The following ARHGAP15 variants were observed in gnomAD, a reference collection of about 807,000 sequenced individuals.
The protein encoded by ARHGAP15 is Rho GTPase activating protein 15.
A neutral mutation model predicts 63.7 loss-of-function variants in ARHGAP15; 51 were observed. That is an observed-to-expected ratio of 0.80 (90% confidence interval 0.64 to 1.01). The LOEUF (loss-of-function observed/expected upper bound fraction) is 1.01, where lower values mean the gene tolerates loss of function less well. Ranked by LOEUF, ARHGAP15 falls within the 50% of genes least tolerant of loss-of-function variation. The pLI is 0.00. For synonymous variants in ARHGAP15, 191 were observed against 193.8 expected (o/e 0.99, Z 0.12); for missense variants, 560 against 564.6 (o/e 0.99, Z 0.08).
At chr2:143,328,348 C>T (rs1679136803) in intron 6 of ARHGAP15, among the ~76,000 whole-genome samples, 1 of 152,160 alleles carries the variant, frequency 6.6e-6, no homozygotes, top group African/African-American at 2.4e-5. Flanking sequence ...CCCAAATGTC[C>T]ATTAATGATA....
At chr2:143,258,589 A>G (rs1680544308) in intron 6 of ARHGAP15, among the ~76,000 whole-genome samples, 1 of 152,136 alleles carries the variant, frequency 6.6e-6, no homozygotes, top group Admixed American at 6.6e-5. Context: ...GATTCTTGGT[A>G]TTTGAAGAGG....
chr2:143,357,716 A>G (rs913976559), intron 6 of ARHGAP15, among the ~76,000 whole-genome samples: 1 of 152,220 alleles, frequency 6.6e-6, no homozygotes, highest in African/African-American at 2.4e-5. Flanking sequence ...TTAATAATAG[A>G]TTAATACATG....
At chr2:143,573,279 T>TTC (rs1696534952) in intron 11 of ARHGAP15, among the ~76,000 whole-genome samples, 1 of 152,176 alleles carries the variant, frequency 6.6e-6, no homozygotes, top group South Asian at 2.1e-4. Context: ...GGCTTAAAGT[T>TTC]TCAAGGACTT....
At chr2:143,410,658 C>T (rs748807605) in intron 6 of ARHGAP15, among the ~76,000 whole-genome samples, 6 of 151,180 alleles carry the variant, frequency 4.0e-5, no homozygotes, top group Non-Finnish European at 8.8e-5. Flanking sequence ...TTTAATGAGA[C>T]TGGAAATGGG....
intron 2 of ARHGAP15, among the ~76,000 whole-genome samples, chr2:143,195,020 C>T (rs181151582): frequency 1.4e-3 from 207 of 152,142 alleles, no homozygotes; most frequent in African/African-American, 4.9e-3. Flanking sequence ...GGCTGGTGGG[C>T]ACTGCAGGTG....
chr2:143,494,746 G>T (rs1029478054), intron 9 of ARHGAP15, among the ~76,000 whole-genome samples: 2 of 152,126 alleles, frequency 1.3e-5, no homozygotes, highest in African/African-American at 4.8e-5. Context: ...GAAAACATGG[G>T]TAGACCTGGC....
intron 12 of ARHGAP15, among the ~76,000 whole-genome samples, chr2:143,659,326 C>G (rs1248427366): frequency 1.3e-5 from 2 of 152,110 alleles, no homozygotes; most frequent in Non-Finnish European, 2.9e-5. Context: ...AATTACTTTA[C>G]TTGTGGTAAC....
In ARHGAP15 at chr2:143,187,703, C is replaced by T. The variant is rs1691504544; in HGVS notation, c.166-14431C>T. 2.6e-5 allele frequency among the ~76,000 whole-genome samples: 4 copies of T among 152,262 alleles called. No individual in the cohort carries two copies. The South Asian group carries it at 6.2e-4, about 24-fold the overall frequency. On this transcript the variant is annotated intron_variant, in intron 2 of 13. Coordinates refer to ENST00000295095, the MANE Select transcript of ARHGAP15 (RefSeq NM_018460.4). Reference sequence around the variant, plus strand: ...GTAATTTTGCGAAAATTATTCTCTGCTGAATCATACTTATAATTCTTTTTG... The same window carrying T: ...GTAATTTTGCGAAAATTATTCTCTGTTGAATCATACTTATAATTCTTTTTG...
At chr2:143,630,420 A>C (rs1699015653) in intron 12 of ARHGAP15, among the ~76,000 whole-genome samples, 1 of 152,072 alleles carries the variant, frequency 6.6e-6, no homozygotes, top group Non-Finnish European at 1.5e-5. Flanking sequence ...AACAAACAAA[A>C]TCTTACAGAA....
At chr2:143,283,093 C>T (rs549964618) in intron 6 of ARHGAP15, among the ~76,000 whole-genome samples, 4 of 152,154 alleles carry the variant, frequency 2.6e-5, no homozygotes, top group African/African-American at 9.6e-5. Context: ...GTGATTTTTC[C>T]CCAGGAGTTT....
rs183367796 is a variant in ARHGAP15, at chr2:143,154,516, G to A, written c.-14-961G>A. Reference sequence around the variant, plus strand: ...TTGTTCACTGTACACAGTGCTCGGAGCCCGCTATAGGATGTCTATTAGGTT... The same window carrying A: ...TTGTTCACTGTACACAGTGCTCGGAACCCGCTATAGGATGTCTATTAGGTT... On this transcript the variant is annotated intron_variant, in intron 1 of 13. Coordinates refer to ENST00000295095, the MANE Select transcript of ARHGAP15 (RefSeq NM_018460.4). Among the ~76,000 whole-genome samples, 16 of 151,972 alleles carry A rather than the reference G, an allele frequency of 1.1e-4. No homozygotes were observed. In the East Asian group the frequency reaches 3.1e-3, roughly 30 times the overall value.
intron 6 of ARHGAP15, among the ~76,000 whole-genome samples, chr2:143,261,302 C>T (rs2105015743): frequency 6.8e-6 from 1 of 146,208 alleles, no homozygotes; most frequent in African/African-American, 2.5e-5. Flanking sequence ...ATGACAGTGA[C>T]AGCTGTATCT....
intron 2 of ARHGAP15, among the ~76,000 whole-genome samples, chr2:143,199,422 A>G (rs1692015513): frequency 6.6e-6 from 1 of 152,130 alleles, no homozygotes; most frequent in Admixed American, 6.6e-5. Context: ...TAAGTATAAA[A>G]TTATTCCACA....
intron 6 of ARHGAP15, among the ~76,000 whole-genome samples, chr2:143,378,519 A>G (rs1686913006): frequency 6.6e-6 from 1 of 152,050 alleles, no homozygotes; most frequent in Non-Finnish European, 1.5e-5. Flanking sequence ...TAGTTTATAA[A>G]AGAGCTGTAG....
At chr2:143,197,377 G>A (rs899614778) in intron 2 of ARHGAP15, among the ~76,000 whole-genome samples, 10 of 151,876 alleles carry the variant, frequency 6.6e-5, no homozygotes, top group Admixed American at 1.3e-4. Context: ...ATAATAATAA[G>A]CTATTAATCG....
intron 10 of ARHGAP15, among the ~76,000 whole-genome samples, chr2:143,522,526 G>A (rs1026102480): frequency 2.0e-5 from 3 of 151,986 alleles, no homozygotes; most frequent in African/African-American, 4.8e-5. Context: ...CATATCCTGG[G>A]TACAATGACC....
chr2:143,750,389 C>T (rs542175844), intron 13 of ARHGAP15, among the ~76,000 whole-genome samples: 89 of 152,084 alleles, frequency 5.9e-4, no homozygotes, highest in African/African-American at 2.0e-3. Context: ...TGCAGTGAGC[C>T]GGGACAGTGC....
At chr2:143,323,894 CAAAAAAAAAAAAAA>C (rs55804357) in intron 6 of ARHGAP15, among the ~76,000 whole-genome samples, 2 of 26,170 alleles carry the variant, frequency 7.6e-5, no homozygotes, top group Non-Finnish European at 1.3e-4. Context: ...GACTCCGTCT[CAAAAAAAAAAAAAA>C]AAAAAAAAAA....
intron 11 of ARHGAP15, among the ~76,000 whole-genome samples, chr2:143,596,136 A>T (rs1039110689): frequency 2.0e-4 from 31 of 152,116 alleles, no homozygotes; most frequent in Admixed American, 6.6e-4. Context: ...AATTGAAATG[A>T]AGACCTTAGA....
Sources: gnomAD v4.1 joint callset for allele counts (sites outside exome capture counted in the v4.1 genomes callset) on GRCh38, gnomAD v4.1.1 for gene constraint, MANE v1.5 for transcripts, NCBI Gene and HGNC (gene_info 2026-07-23, HGNC 2026-07-21) for gene names.